Variants in SLC24A2 observed in about 807,000 individuals in gnomAD.
SLC24A2 encodes the protein sodium/potassium/calcium exchanger 2.
A neutral mutation model predicts 62.0 loss-of-function variants in SLC24A2; 36 were observed. The observed-to-expected ratio is 0.58, with a 90% CI of 0.44 to 0.77. SLC24A2 has a LOEUF of 0.77. Ranked by LOEUF, SLC24A2 falls within the 30% of genes least tolerant of loss-of-function variation. SLC24A2 has a pLI of 0.00. For synonymous variants in SLC24A2, 358 were observed against 294.0 expected (o/e 1.22, Z -2.23); for missense variants, 846 against 817.9 (o/e 1.03, Z -0.42).
At chr9:20,256,023 A>G in the SLC24A2 span, among the ~76,000 whole-genome samples, 3 of 152,202 alleles carry the variant, frequency 2.0e-5, no homozygotes, top group Non-Finnish European at 4.4e-5. Context: ...TTCTTTATAT[A>G]TAATCCCATG....
intron 7 of SLC24A2, among the ~76,000 whole-genome samples, chr9:19,560,916 TAGAGAGAGAGAGAGAGAG>T (rs139732950): frequency 1.7e-5 from 2 of 119,390 alleles, no homozygotes; most frequent in East Asian, 2.3e-4. Context: ...TATATATATA[TAGAGAGAGAGAGAGAGAG>T]AGAGAGAGAG....
the SLC24A2 span, among the ~76,000 whole-genome samples, chr9:20,132,733 TC>T: frequency 4.6e-5 from 7 of 152,250 alleles, no homozygotes; most frequent in African/African-American, 1.4e-4. Context: ...ATTTGGTTAA[TC>T]ATAACTGCTA....
rs775122224 is a variant in SLC24A2, at chr9:19,521,066, T to C, written c.1570-6A>G. 1.5e-5 allele frequency: 25 copies of C among 1,613,900 alleles called. No individual in the cohort carries two copies. The South Asian group carries it at 2.6e-4, about 17-fold the overall frequency. On this transcript the variant is annotated splice_polypyrimidine_tract_variant and splice_region_variant and intron_variant, in intron 9 of 10. Coordinates refer to ENST00000341998, the MANE Select transcript of SLC24A2 (RefSeq NM_020344.4). ...ATGCCAATTGTCTCTCCAACCTAAA[T>C]GTCAGGACAGGAATAAACATCTCAG...
At chr9:19,585,843 GCTTT>G (rs1291473420) in intron 5 of SLC24A2, among the ~76,000 whole-genome samples, 7 of 152,098 alleles carry the variant, frequency 4.6e-5, no homozygotes, top group Admixed American at 4.6e-4. Context: ...GCCCATTCAG[GCTTT>G]CTTTAATAAT....
chr9:19,880,234 A>G, the SLC24A2 span, among the ~76,000 whole-genome samples: 3,184 of 152,296 alleles, frequency 0.021, 120 homozygotes, highest in African/African-American at 0.073. Flanking sequence ...CAGCATTCCA[A>G]TCCTTCCAAG....
chr9:20,103,152 C>T, the SLC24A2 span, among the ~76,000 whole-genome samples: 1 of 152,194 alleles, frequency 6.6e-6, no homozygotes, highest in African/African-American at 2.4e-5. Flanking sequence ...GGGAGGGGCA[C>T]CCACCATTGC....
the SLC24A2 span, among the ~76,000 whole-genome samples, chr9:19,817,668 C>T: frequency 2.4e-4 from 37 of 152,116 alleles, no homozygotes; most frequent in Admixed American, 1.7e-3. Context: ...AGTTTGATTA[C>T]GTGGCAAGTG....
the SLC24A2 span, among the ~76,000 whole-genome samples, chr9:19,921,474 C>T: frequency 6.7e-6 from 1 of 149,886 alleles, no homozygotes; most frequent in Non-Finnish European, 1.5e-5. Flanking sequence ...CAAGATTGCA[C>T]CACTGCACTG....
At chr9:20,130,129 ACTAG>A in the SLC24A2 span, among the ~76,000 whole-genome samples, 1 of 152,046 alleles carries the variant, frequency 6.6e-6, no homozygotes, top group Non-Finnish European at 1.5e-5. Context: ...TAATTATAAG[ACTAG>A]CTAATAATTG....
chr9:20,078,055 G>A, the SLC24A2 span, among the ~76,000 whole-genome samples: 5 of 147,052 alleles, frequency 3.4e-5, no homozygotes, highest in South Asian at 6.9e-4. Flanking sequence ...GGATGGGGTT[G>A]GGGGATACTT....
chr9:19,898,510 A>G, the SLC24A2 span, among the ~76,000 whole-genome samples: 54 of 152,300 alleles, frequency 3.5e-4, no homozygotes, highest in Non-Finnish European at 6.5e-4. Context: ...TGGGAGGCCA[A>G]GGCGGGTGGA....
chr9:20,199,776 T>C, the SLC24A2 span, among the ~76,000 whole-genome samples: 1 of 151,502 alleles, frequency 6.6e-6, no homozygotes, highest in African/African-American at 2.4e-5. Context: ...TGGAGTGCAA[T>C]GGCGTGATCT....
At chr9:19,637,742 C>T (rs1174216531) in intron 2 of SLC24A2, among the ~76,000 whole-genome samples, 3 of 152,150 alleles carry the variant, frequency 2.0e-5, no homozygotes, top group Admixed American at 6.5e-5. Flanking sequence ...ATGGAGCAAC[C>T]GGATGGTGTA....
the SLC24A2 span, among the ~76,000 whole-genome samples, chr9:20,179,282 C>A: frequency 2.0e-5 from 3 of 152,128 alleles, no homozygotes; most frequent in Admixed American, 6.6e-5. Context: ...GTCTTCAGGG[C>A]AAGGGTTCTG....
At chr9:19,848,908 T>A in the SLC24A2 span, among the ~76,000 whole-genome samples, 2 of 152,228 alleles carry the variant, frequency 1.3e-5, no homozygotes, top group Non-Finnish European at 2.9e-5. Context: ...CCAGCTGCTA[T>A]TCAAAGGCTA....
At chr9:20,035,985 GA>G in the SLC24A2 span, among the ~76,000 whole-genome samples, 2 of 152,146 alleles carry the variant, frequency 1.3e-5, no homozygotes, top group Non-Finnish European at 2.9e-5. Context: ...GCAAGAGAAA[GA>G]GAGAATGAAT....
At chr9:19,728,751 T>C (rs1287763254) in intron 2 of SLC24A2, among the ~76,000 whole-genome samples, 3 of 152,196 alleles carry the variant, frequency 2.0e-5, no homozygotes, top group African/African-American at 4.8e-5. Context: ...TCCTCAATTT[T>C]TGTATAGCCA....
At chr9:20,276,373 T>C in the SLC24A2 span, among the ~76,000 whole-genome samples, 1 of 152,236 alleles carries the variant, frequency 6.6e-6, no homozygotes, top group African/African-American at 2.4e-5. Context: ...AATGATCTCC[T>C]TTGACTCCAT....
At chr9:19,675,898 T>C (rs985048542) in intron 2 of SLC24A2, among the ~76,000 whole-genome samples, 2 of 152,158 alleles carry the variant, frequency 1.3e-5, no homozygotes, top group Non-Finnish European at 2.9e-5. Context: ...TGGTCAAAAT[T>C]GTTACAAAGT....
Sources: allele counts gnomAD v4.1 joint callset (sites outside exome capture counted in the v4.1 genomes callset), GRCh38; gene constraint gnomAD v4.1.1; transcripts MANE v1.5; gene names NCBI Gene and HGNC (gene_info 2026-07-23, HGNC 2026-07-21).